Variants in TMPRSS12 observed in about 807,000 individuals in gnomAD.
TMPRSS12 encodes the protein transmembrane protease serine 12.
Under a neutral mutation model 26.0 loss-of-function variants are expected in TMPRSS12, and 25 were observed. The observed-to-expected ratio is 0.96, with a 90% CI of 0.70 to 1.34. TMPRSS12 has a LOEUF of 1.34. Among genes scored for constraint, TMPRSS12 ranks in the 40% most tolerant of loss-of-function variants. The probability of loss-of-function intolerance (pLI) is 0.00; values close to 1 mark genes in which losing one functional copy is unlikely to be tolerated. For missense variants in TMPRSS12, 441 were observed against 440.1 expected, an observed-to-expected ratio of 1.00 and a Z score of -0.02; for synonymous variants, 150 against 161.7, an observed-to-expected ratio of 0.93 and a Z score of 0.55.
At chr12:50,878,635 AG>A (rs746485489) in intron 3 of TMPRSS12, among the ~76,000 whole-genome samples, 1 of 152,078 alleles carries the variant, frequency 6.6e-6, no homozygotes, top group Non-Finnish European at 1.5e-5. Context: ...CACAACATGG[AG>A]GGGGAAAAAA....
intron 3 of TMPRSS12, among the ~76,000 whole-genome samples, chr12:50,877,798 C>T (rs1316606188): frequency 6.6e-6 from 1 of 152,064 alleles, no homozygotes; most frequent in Non-Finnish European, 1.5e-5. Flanking sequence ...TTAGTAGAGA[C>T]GGGGTTTCAC....
At chr12:50,864,918 T>G (rs7301467) in intron 3 of TMPRSS12, among the ~76,000 whole-genome samples, 1 of 152,146 alleles carries the variant, frequency 6.6e-6, no homozygotes, top group Admixed American at 6.5e-5. Context: ...CTCGGCCTCC[T>G]AAAGTGCTGG....
chr12:50,847,766 G>T (rs1177142356), intron 2 of TMPRSS12, among the ~76,000 whole-genome samples: 1 of 152,012 alleles, frequency 6.6e-6, no homozygotes, highest in African/African-American at 2.4e-5. Context: ...GCGTGGTGGT[G>T]GGTGCCTGTG....
chr12:50,860,151 G>A (rs1032071044), intron 3 of TMPRSS12, among the ~76,000 whole-genome samples: 20 of 152,332 alleles, frequency 1.3e-4, no homozygotes, highest in African/African-American at 4.8e-4. Flanking sequence ...AGCCAGCTCT[G>A]CAGCAGAGTT....
chr12:50,863,851 A>T (rs1485197024), intron 3 of TMPRSS12, among the ~76,000 whole-genome samples: 3 of 152,196 alleles, frequency 2.0e-5, no homozygotes, highest in Non-Finnish European at 4.4e-5. Context: ...CACACATTGT[A>T]TTAATGTCAG....
chr12:50,859,974 T>G (rs1052477084), intron 3 of TMPRSS12, among the ~76,000 whole-genome samples: 1 of 152,356 alleles, frequency 6.6e-6, no homozygotes. Flanking sequence ...TATAAAACAC[T>G]GAAAACAACT....
chr12:50,851,097 C>T (rs372663561), intron 2 of TMPRSS12, among the ~76,000 whole-genome samples: 2 of 152,226 alleles, frequency 1.3e-5, no homozygotes, highest in South Asian at 2.1e-4. Context: ...TAACAGTCCA[C>T]ACAGATGAGA....
chr12:50,887,658 C>T lies in TMPRSS12; in HGVS notation c.*145C>T. On this transcript the variant is annotated 3_prime_UTR_variant, in exon 5 of 5. Transcript: ENST00000398458. ...ATTTTATGGGCTATAAGTATTGTGA[C>T]AGATATACAATTGTAATTTTGGCAC... The T allele has an allele frequency of 4.1e-6, 4 of 985,494 alleles. No individual in the cohort carries two copies. The highest frequency in any genetic ancestry group is 5.8e-6 in the Non-Finnish European group (4 of 688,058). 61.0% of individuals were successfully genotyped at this position (985,494 alleles called of 1,614,324 possible).
At chr12:50,875,867 C>A (rs1169676063) in intron 3 of TMPRSS12, among the ~76,000 whole-genome samples, 1 of 152,112 alleles carries the variant, frequency 6.6e-6, no homozygotes. Context: ...ACTAAGTCCT[C>A]AAAAGCAACT....
intron 3 of TMPRSS12, among the ~76,000 whole-genome samples, chr12:50,876,213 C>A (rs1938111170): frequency 6.6e-6 from 1 of 152,160 alleles, no homozygotes; most frequent in African/African-American, 2.4e-5. Context: ...CTATCTCACA[C>A]TAATCAGAAT....
chr12:50,858,045 T>C (rs898552169), intron 2 of TMPRSS12, among the ~76,000 whole-genome samples: 3 of 152,198 alleles, frequency 2.0e-5, no homozygotes, highest in Non-Finnish European at 4.4e-5. Flanking sequence ...GGTTTCACCA[T>C]GTTAGCCAGG....
At chr12:50,873,038 C>G (rs552428167) in intron 3 of TMPRSS12, among the ~76,000 whole-genome samples, 3 of 151,186 alleles carry the variant, frequency 2.0e-5, no homozygotes, top group Non-Finnish European at 4.4e-5. Flanking sequence ...GCATTCGCAG[C>G]GACCTGGATG....
At chr12:50,879,010 C>T (rs1250220484) in intron 3 of TMPRSS12, among the ~76,000 whole-genome samples, 2 of 152,192 alleles carry the variant, frequency 1.3e-5, no homozygotes, top group Non-Finnish European at 2.9e-5. Flanking sequence ...GAAAATGGCC[C>T]TAATCAGACA....
chr12:50,857,080 A>G (rs1565931931), intron 2 of TMPRSS12, among the ~76,000 whole-genome samples: 2 of 152,046 alleles, frequency 1.3e-5, no homozygotes, highest in Non-Finnish European at 2.9e-5. Flanking sequence ...ATAGCTGTTA[A>G]TTTTTTTTAC....
intron 1 of TMPRSS12, 124 bp from the exon 2 acceptor site, chr12:50,843,718 G>A: frequency 2.1e-6 from 2 of 962,988 alleles, no homozygotes; most frequent in East Asian, 3.0e-5. Flanking sequence ...GCGTGTCTCC[G>A]GTATGTTAGC....
intron 3 of TMPRSS12, among the ~76,000 whole-genome samples, chr12:50,868,579 A>G (rs1002313300): frequency 2.6e-5 from 4 of 152,200 alleles, no homozygotes; most frequent in Admixed American, 2.6e-4. Context: ...TGACAGCACT[A>G]GATAGGTCAT....
chr12:50,885,367 T>C lies in TMPRSS12; in HGVS notation c.774T>C (p.Asp258=). The C allele has an allele frequency of 6.2e-7, 1 of 1,613,858 alleles. No individual in the cohort carries two copies. The highest frequency in any genetic ancestry group is 8.5e-7 in the Non-Finnish European group (1 of 1,179,836). The change falls in exon 4 of 5, where the codon GAT becomes GAC. Residue 258 remains aspartate, a synonymous_variant. Transcript: ENST00000398458. The stretch of plus-strand genomic sequence containing the variant: ...CTTCATTTTGTGCAGGTGATGAAGA[T>C]GGAGCTTTTGATACTTGCAGGGTAA... ...PNTSFCAGDE[D]GAFDTCRGDS... is the part of the protein sequence containing the mutation.
At chr12:50,879,296 A>G (rs897640858) in intron 3 of TMPRSS12, among the ~76,000 whole-genome samples, 4 of 152,200 alleles carry the variant, frequency 2.6e-5, no homozygotes, top group African/African-American at 9.6e-5. Flanking sequence ...TAATAAAAAT[A>G]AAAATGATAA....
At chr12:50,853,461 T>G (rs1224018112) in intron 2 of TMPRSS12, among the ~76,000 whole-genome samples, 1 of 149,836 alleles carries the variant, frequency 6.7e-6, no homozygotes, top group Non-Finnish European at 1.5e-5. Flanking sequence ...AAGAAAAGAA[T>G]TAACCAAAAT....
Sources: gnomAD v4.1 joint callset for allele counts (sites outside exome capture counted in the v4.1 genomes callset) on GRCh38, gnomAD v4.1.1 for gene constraint, MANE v1.5 for transcripts, NCBI Gene and HGNC (gene_info 2026-07-23, HGNC 2026-07-21) for gene names.